The following ATP8A2 variants were observed in gnomAD, a reference collection of about 807,000 sequenced individuals.
The protein encoded by ATP8A2 is ATPase phospholipid transporting 8A2, also known as phospholipid-transporting ATPase IB.
Under a neutral mutation model 165.6 loss-of-function variants are expected in ATP8A2, and 100 were observed. That is an observed-to-expected ratio of 0.60 (90% CI 0.51 to 0.71). ATP8A2 has a LOEUF of 0.71. Among genes scored for constraint, ATP8A2 ranks in the 30% least tolerant of loss-of-function variants. The pLI is 0.00. For missense variants in ATP8A2, 1,227 were observed against 1,479.5 expected, an observed-to-expected ratio of 0.83 and a Z score of 2.80; for synonymous variants, 543 against 548.8, an observed-to-expected ratio of 0.99 and a Z score of 0.15.
rs569032035 is a variant in ATP8A2, at chr13:25,847,358, C to A, written c.2956+7734C>A. ...TGTTTTAAACCGCAGTTATGAACTG[C>A]GGTAAAGCTCTGACTTTAGCTGTTT... On this transcript the variant is annotated intron_variant, in intron 30 of 36. Coordinates refer to ENST00000381655, the MANE Select transcript of ATP8A2 (RefSeq NM_016529.6). Among the ~76,000 whole-genome samples, 4 of 152,318 alleles carry A rather than the reference C, an allele frequency of 2.6e-5. No homozygotes were observed. In the South Asian group the frequency reaches 8.3e-4, roughly 32 times the overall value.
intron 26 of ATP8A2, among the ~76,000 whole-genome samples, 165 bp downstream of exon 26, chr13:25,769,394 T>C (rs535446466): frequency 6.6e-6 from 1 of 152,176 alleles, no homozygotes; most frequent in Non-Finnish European, 1.5e-5. Flanking sequence ...GTAGTTGTGA[T>C]CTTGTGCAGT....
intron 1 of ATP8A2, among the ~76,000 whole-genome samples, chr13:25,466,684 G>A (rs765540871): frequency 1.3e-5 from 2 of 152,160 alleles, no homozygotes; most frequent in Non-Finnish European, 2.9e-5. Flanking sequence ...AATCTGAGAG[G>A]GCAGGGCCCG....
intron 33 of ATP8A2, among the ~76,000 whole-genome samples, chr13:25,875,092 TG>T (rs554464822): frequency 9.4e-4 from 142 of 151,764 alleles, no homozygotes; most frequent in Middle Eastern, 3.4e-3. Context: ...TTGCCGGGGC[TG>T]GGGGAGGGGA....
At chr13:25,730,072 T>C (rs2043585122) in intron 25 of ATP8A2, among the ~76,000 whole-genome samples, 1 of 141,884 alleles carries the variant, frequency 7.0e-6, no homozygotes, top group Admixed American at 6.9e-5. Flanking sequence ...GGCAGATTGC[T>C]TGAACCCAGG....
intron 10 of ATP8A2, among the ~76,000 whole-genome samples, chr13:25,550,579 C>T (rs2038789630): frequency 6.6e-6 from 1 of 152,158 alleles, no homozygotes; most frequent in African/African-American, 2.4e-5. Context: ...ACACTGGCCT[C>T]AGCTCCACCT....
In ATP8A2 at chr13:25,389,403, C is replaced by T. The variant is rs548393436; in HGVS notation, c.76+17115C>T. On this transcript the variant is annotated intron_variant, in intron 1 of 36. Coordinates refer to ENST00000381655, the MANE Select transcript of ATP8A2 (RefSeq NM_016529.6). ...AAAAAAGGCAGCATCAGCACTGGCA[C>T]AGTCCAAGCACTTTCTGGGAGGTAT... Among the ~76,000 whole-genome samples the T allele has an allele frequency of 1.4e-4, 21 of 152,294 alleles. 1 individual carries two copies. The highest frequency in any genetic ancestry group is 1.2e-3 in the South Asian group (6 of 4,830).
At chr13:25,805,847 A>G (rs1950721580) in intron 27 of ATP8A2, among the ~76,000 whole-genome samples, 1 of 152,194 alleles carries the variant, frequency 6.6e-6, no homozygotes, top group South Asian at 2.1e-4. Context: ...AAAGATGCTA[A>G]ATGATTGCCA....
chr13:25,440,931 A>G (rs914229566), intron 1 of ATP8A2, among the ~76,000 whole-genome samples: 4 of 152,218 alleles, frequency 2.6e-5, no homozygotes, highest in Admixed American at 2.0e-4. Context: ...TTAGATGAAT[A>G]CTTAAAAGGA....
At chr13:25,722,924 G>T (rs1005391316) in intron 25 of ATP8A2, among the ~76,000 whole-genome samples, 1 of 152,144 alleles carries the variant, frequency 6.6e-6, no homozygotes, top group African/African-American at 2.4e-5. Flanking sequence ...AAATTTGAAT[G>T]GAATTGTAGT....
chr13:25,853,394 A>ATATATATATATATAT (rs1555278528), intron 30 of ATP8A2, among the ~76,000 whole-genome samples: 13 of 11,598 alleles, frequency 1.1e-3, no homozygotes, highest in African/African-American at 1.4e-4. Context: ...CTATCTAAAA[A>ATATATATATATATAT]AAATATATAT....
At chr13:25,540,252 A>T (rs1484357594) in intron 7 of ATP8A2, 67 bp from the exon 8 acceptor site, 3 of 1,210,674 alleles carry the variant, frequency 2.5e-6, no homozygotes, top group Non-Finnish European at 2.5e-6. Flanking sequence ...CATAATAGAG[A>T]TTTTCTAAAC....
chr13:25,845,245 G>A (rs1951829859), intron 30 of ATP8A2, among the ~76,000 whole-genome samples: 1 of 152,156 alleles, frequency 6.6e-6, no homozygotes, highest in Non-Finnish European at 1.5e-5. Flanking sequence ...AGGAGCCCTG[G>A]TGTCAGCCCA....
rs114458088 is a variant in ATP8A2, at chr13:25,730,160, G to A, written c.2384+30815G>A. ...CAAAAAATTAACCAGGCATGGTGCC[G>A]TGTGCCTGTGGTTCCAGCTACTCTG... On this transcript the variant is annotated intron_variant, in intron 25 of 36. Coordinates refer to ENST00000381655, the MANE Select transcript of ATP8A2 (RefSeq NM_016529.6). Among the ~76,000 whole-genome samples, 1,272 of 152,194 alleles carry A rather than the reference G, an allele frequency of 8.4e-3. 21 individuals are homozygous for A. Among genetic ancestry groups the A allele is most frequent in the African/African-American group, 0.029 (1,192 of 41,514 alleles).
intron 24 of ATP8A2, among the ~76,000 whole-genome samples, chr13:25,696,422 G>A (rs980686388): frequency 6.6e-6 from 1 of 152,124 alleles, no homozygotes; most frequent in Non-Finnish European, 1.5e-5. Context: ...AATCCTAGAT[G>A]GCATCTTCTT....
At chr13:25,502,004 G>A (rs1197303122) in intron 2 of ATP8A2, among the ~76,000 whole-genome samples, 1 of 152,204 alleles carries the variant, frequency 6.6e-6, no homozygotes, top group Non-Finnish European at 1.5e-5. Flanking sequence ...ACAGGCTGGG[G>A]AGCTCAAGAA....
chr13:25,897,706 C>G (rs556895506), intron 33 of ATP8A2, among the ~76,000 whole-genome samples: 1 of 152,246 alleles, frequency 6.6e-6, no homozygotes, highest in South Asian at 2.1e-4. Flanking sequence ...TCACATAGTC[C>G]CATATTTCTT....
intron 2 of ATP8A2, among the ~76,000 whole-genome samples, chr13:25,512,913 G>A (rs2037300782): frequency 7.5e-6 from 1 of 132,904 alleles, no homozygotes; most frequent in Non-Finnish European, 1.6e-5. Context: ...GCGGGGGGCT[G>A]ACCCCCCCAC....
chr13:25,845,413 A>G (rs1200599688), intron 30 of ATP8A2, among the ~76,000 whole-genome samples: 1 of 152,216 alleles, frequency 6.6e-6, no homozygotes, highest in African/African-American at 2.4e-5. Flanking sequence ...AGGTGATGGG[A>G]AAGAGACTAT....
intron 4 of ATP8A2, among the ~76,000 whole-genome samples, chr13:25,531,518 T>C (rs1454959562): frequency 6.7e-6 from 1 of 149,970 alleles, no homozygotes; most frequent in Non-Finnish European, 1.5e-5. Context: ...GATCTTCCTC[T>C]CCTCCCTTAC....
Sources: gnomAD v4.1 joint callset for allele counts (sites outside exome capture counted in the v4.1 genomes callset) on GRCh38, gnomAD v4.1.1 for gene constraint, MANE v1.5 for transcripts, NCBI Gene and HGNC (gene_info 2026-07-23, HGNC 2026-07-21) for gene names.